Variants in NEGR1 observed in about 807,000 individuals in gnomAD.
The protein encoded by NEGR1 is neuronal growth regulator 1.
Under a neutral mutation model 40.9 loss-of-function variants are expected in NEGR1, and 10 were observed. The ratio of observed to expected loss-of-function variants is 0.24; its 90% CI spans 0.15 to 0.42. The LOEUF is 0.42. Ranked by LOEUF, NEGR1 falls within the 10% of genes least tolerant of loss-of-function variation. The pLI, the probability that NEGR1 is intolerant of heterozygous loss-of-function variation, is 1.00. For missense variants in NEGR1, 352 were observed against 438.9 expected (o/e 0.80, Z 1.77); for synonymous variants, 185 against 166.8 (o/e 1.11, Z -0.84).
chr1:71,688,727 C>G (rs576360107), intron 4 of NEGR1, among the ~76,000 whole-genome samples: 2 of 151,932 alleles, frequency 1.3e-5, no homozygotes, highest in Non-Finnish European at 2.9e-5. Context: ...AAGAGTTTCC[C>G]TTTTTAAAGA....
chr1:72,203,751 A>G (rs566456254), intron 1 of NEGR1, among the ~76,000 whole-genome samples: 52 of 152,190 alleles, frequency 3.4e-4, no homozygotes, highest in African/African-American at 1.2e-3. Context: ...TATTTGAAGA[A>G]ATTTCCCCAG....
intron 1 of NEGR1, among the ~76,000 whole-genome samples, chr1:72,269,154 GTTTGAT>G (rs1655758308): frequency 1.3e-5 from 2 of 151,668 alleles, no homozygotes; most frequent in African/African-American, 4.8e-5. Flanking sequence ...TATCTAATAT[GTTTGAT>G]TTTATTCATT....
At chr1:71,855,291 T>C (rs975553094) in intron 2 of NEGR1, among the ~76,000 whole-genome samples, 2 of 152,152 alleles carry the variant, frequency 1.3e-5, no homozygotes, top group African/African-American at 2.4e-5. Context: ...TGATGAACTA[T>C]GAGGAAACTT....
At position 72,232,385 on chromosome 1, in the gene NEGR1, G is replaced by C. The variant is rs141424403; in HGVS notation, c.176+49934C>G. Among the ~76,000 whole-genome samples, 618 of 149,456 alleles carry C rather than the reference G, an allele frequency of 4.1e-3. 4 individuals are homozygous for C. Among genetic ancestry groups the C allele is most frequent in the Admixed American group, 7.7e-3 (115 of 14,924 alleles). On this transcript the variant is annotated intron_variant, in intron 1 of 6. Transcript: ENST00000357731. ...AAAAAAGCAGCAGCAGCTTTGACTG[G>C]TAAGTTAATTTACAATCAAGCATAC...
chr1:71,767,969 G>A (rs1337249384), intron 3 of NEGR1, among the ~76,000 whole-genome samples: 1 of 152,206 alleles, frequency 6.6e-6, no homozygotes, highest in Non-Finnish European at 1.5e-5. Context: ...GGTGCACAGA[G>A]TACAAGAGCT....
intron 4 of NEGR1, among the ~76,000 whole-genome samples, chr1:71,664,413 C>G (rs1379835041): frequency 6.6e-6 from 1 of 152,142 alleles, no homozygotes; most frequent in Non-Finnish European, 1.5e-5. Context: ...CCACTTCAAT[C>G]TAATTTTTTC....
intron 4 of NEGR1, among the ~76,000 whole-genome samples, chr1:71,650,682 T>A (rs1651682945): frequency 6.6e-6 from 1 of 152,190 alleles, no homozygotes; most frequent in Non-Finnish European, 1.5e-5. Context: ...AGCTTTATTC[T>A]TTAAGTTGTA....
At chr1:71,570,297 A>G (rs543154683) in intron 6 of NEGR1, among the ~76,000 whole-genome samples, 2 of 152,308 alleles carry the variant, frequency 1.3e-5, no homozygotes, top group Admixed American at 6.5e-5. Flanking sequence ...CCAATGCCAC[A>G]GGTACTCCTG....
At chr1:71,944,276 C>T (rs1429799273) in intron 1 of NEGR1, among the ~76,000 whole-genome samples, 1 of 152,132 alleles carries the variant, frequency 6.6e-6, no homozygotes, top group Non-Finnish European at 1.5e-5. Flanking sequence ...ATTCAAAATG[C>T]ATGCAGGAGG....
At chr1:72,208,966 T>G (rs1653503886) in intron 1 of NEGR1, among the ~76,000 whole-genome samples, 1 of 151,702 alleles carries the variant, frequency 6.6e-6, no homozygotes, top group Admixed American at 6.6e-5. Flanking sequence ...GTAAGTTTCT[T>G]GCTTGTCTCT....
intron 1 of NEGR1, among the ~76,000 whole-genome samples, chr1:71,956,003 A>T (rs1646116357): frequency 6.6e-6 from 1 of 152,156 alleles, no homozygotes; most frequent in African/African-American, 2.4e-5. Context: ...GGATAAATTC[A>T]ATTTCTTTTC....
intron 1 of NEGR1, among the ~76,000 whole-genome samples, chr1:72,046,076 A>C (rs949509420): frequency 1.3e-5 from 2 of 151,792 alleles, no homozygotes; most frequent in Non-Finnish European, 2.9e-5. Flanking sequence ...AATATCCCAA[A>C]AAAGGAAGAC....
At position 72,226,316 on chromosome 1, in the gene NEGR1, T is replaced by C. The variant is rs569098972; in HGVS notation, c.176+56003A>G. On this transcript the variant is annotated intron_variant, in intron 1 of 6. Transcript: ENST00000357731. ...AGAATATCAAGAATCAATGCCTATA[T>C]GAGTGTGAGATCAATTAGAAATCTT... Among the ~76,000 whole-genome samples, 51 of 152,130 alleles carry C rather than the reference T, an allele frequency of 3.4e-4. No individual in the cohort carries two copies. The East Asian group carries it at 7.9e-3, about 24-fold the overall frequency.
intron 1 of NEGR1, among the ~76,000 whole-genome samples, chr1:71,977,638 T>C (rs1401284532): frequency 6.6e-6 from 1 of 151,992 alleles, no homozygotes; most frequent in Non-Finnish European, 1.5e-5. Flanking sequence ...CCAAAAAATA[T>C]ATATGCAATT....
intron 4 of NEGR1, among the ~76,000 whole-genome samples, chr1:71,682,839 A>C (rs576382363): frequency 1.3e-5 from 2 of 152,058 alleles, no homozygotes; most frequent in Non-Finnish European, 2.9e-5. Flanking sequence ...AGGATAACTG[A>C]TTGTTCAAAA....
chr1:72,145,076 C>T lies in NEGR1; in HGVS notation c.176+137243G>A, dbSNP rs188671547. ...GTTTGGAAGACATCTGAAGTATTTC[C>T]TTAATAATAATGAATCTGGAGTTTT... On this transcript the variant is annotated intron_variant, in intron 1 of 6. Coordinates refer to ENST00000357731, the MANE Select transcript of NEGR1 (RefSeq NM_173808.3). Among the ~76,000 whole-genome samples, 196 of 152,006 alleles carry T rather than the reference C, an allele frequency of 1.3e-3. 1 individual carries two copies. Among genetic ancestry groups the T allele is most frequent in the Non-Finnish European group, 2.8e-4 (19 of 67,922 alleles).
chr1:71,442,286 GAAC>G (rs1402289082), intron 6 of NEGR1, among the ~76,000 whole-genome samples: 2 of 110,964 alleles, frequency 1.8e-5, no homozygotes, highest in Admixed American at 1.3e-4. Context: ...TATCATCAAT[GAAC>G]AACATAGGAA....
intron 4 of NEGR1, among the ~76,000 whole-genome samples, chr1:71,685,608 C>T (rs1653007741): frequency 1.3e-5 from 2 of 152,140 alleles, no homozygotes; most frequent in Non-Finnish European, 2.9e-5. Context: ...GCATGAGCCA[C>T]CGCAGGCCGA....
chr1:71,719,374 A>C (rs1451381019), intron 3 of NEGR1, among the ~76,000 whole-genome samples: 1 of 152,206 alleles, frequency 6.6e-6, no homozygotes, highest in Non-Finnish European at 1.5e-5. Context: ...GCAAGGAATA[A>C]ATATACAAAA....
Sources: allele counts gnomAD v4.1 joint callset (sites outside exome capture counted in the v4.1 genomes callset), GRCh38; gene constraint gnomAD v4.1.1; transcripts MANE v1.5; gene names NCBI Gene and HGNC (gene_info 2026-07-23, HGNC 2026-07-21).